The following SLC7A14 variants were observed in gnomAD, a reference collection of about 807,000 sequenced individuals.
SLC7A14 encodes gamma-aminobutyric acid transporter SLC7A14.
Under a neutral mutation model 60.2 loss-of-function variants are expected in SLC7A14, and 37 were observed. The ratio of observed to expected loss-of-function variants is 0.61; its 90% CI spans 0.47 to 0.81. SLC7A14 has a LOEUF of 0.81. SLC7A14 is among the 30% of genes least tolerant of loss of function. The probability of loss-of-function intolerance (pLI) is 0.00; values close to 1 mark genes in which losing one functional copy is unlikely to be tolerated. For synonymous variants in SLC7A14, 399 were observed against 395.8 expected (o/e 1.01, Z -0.10); for missense variants, 886 against 982.7 (o/e 0.90, Z 1.32).
intron 1 of SLC7A14, 109 bp from the exon 2 acceptor site, chr3:170,527,197 C>T: frequency 3.9e-6 from 2 of 514,134 alleles, no homozygotes; most frequent in East Asian, 3.4e-5. Flanking sequence ...CTGGTCTACC[C>T]GTGTGCTCAT....
At chr3:170,544,240 G>T (rs1255637369) in intron 1 of SLC7A14, among the ~76,000 whole-genome samples, 1 of 151,930 alleles carries the variant, frequency 6.6e-6, no homozygotes, top group African/African-American at 2.4e-5. Context: ...ATAAAAAGGG[G>T]TGAACTCCTC....
chr3:170,475,406 C>T (rs1256841881), intron 7 of SLC7A14, among the ~76,000 whole-genome samples: 13 of 152,112 alleles, frequency 8.5e-5, no homozygotes, highest in Non-Finnish European at 1.5e-5. Context: ...GAAAGTTACA[C>T]TATGTATAGA....
intron 1 of SLC7A14, among the ~76,000 whole-genome samples, chr3:170,542,587 C>G (rs1359686392): frequency 6.6e-6 from 1 of 152,242 alleles, no homozygotes; most frequent in African/African-American, 2.4e-5. Flanking sequence ...CTTCATCTCT[C>G]TCACTTGGCC....
intron 1 of SLC7A14, among the ~76,000 whole-genome samples, chr3:170,548,577 T>C (rs1714244486): frequency 6.6e-6 from 1 of 152,224 alleles, no homozygotes; most frequent in Non-Finnish European, 1.5e-5. Flanking sequence ...TTCCCATGCC[T>C]GGCTGCACTT....
intron 4 of SLC7A14, chr3:170,496,680 C>CTGCAT: frequency 9.4e-7 from 1 of 1,067,488 alleles, no homozygotes; most frequent in Non-Finnish European, 1.4e-6. Context: ...GGAAGACCAC[C>CTGCAT]AGCGGCTATG....
intron 7 of SLC7A14, among the ~76,000 whole-genome samples, chr3:170,471,457 T>C (rs1739906716): frequency 6.6e-6 from 1 of 152,172 alleles, no homozygotes; most frequent in African/African-American, 2.4e-5. Flanking sequence ...AATTTGTAAA[T>C]ATTTGAGTAT....
At chr3:170,560,675 G>T (rs1714623107) in intron 1 of SLC7A14, among the ~76,000 whole-genome samples, 1 of 152,096 alleles carries the variant, frequency 6.6e-6, no homozygotes, top group Admixed American at 6.6e-5. Context: ...CCAAGGTTTT[G>T]GTTCATGGAA....
intron 4 of SLC7A14, among the ~76,000 whole-genome samples, chr3:170,492,488 G>C (rs914487186): frequency 1.3e-5 from 2 of 152,130 alleles, no homozygotes; most frequent in African/African-American, 2.4e-5. Flanking sequence ...CTGGGCGACA[G>C]AGTGAGACTC....
rs1253861036 is a variant in SLC7A14 at position 170,459,919 on chromosome 3, T to C, written c.*7136A>G. On this transcript the variant is annotated 3_prime_UTR_variant, in exon 8 of 8. Coordinates refer to ENST00000231706, the MANE Select transcript of SLC7A14 (RefSeq NM_020949.3). Reference sequence around the variant, plus strand: ...AATTTAAAGGCACACAATAAAGCTTTATGCATTTATTAAAATATACACATT... The same window carrying C: ...AATTTAAAGGCACACAATAAAGCTTCATGCATTTATTAAAATATACACATT... The C allele has an allele frequency of 6.6e-6, 1 of 152,242 alleles. No homozygotes were observed. The highest frequency in any genetic ancestry group is 1.5e-5 in the Non-Finnish European group (1 of 68,042). 9.4% of individuals were successfully genotyped at this position (152,242 alleles called of 1,614,324 possible). A position where few individuals can be genotyped will look rare whatever the true frequency, so the allele number is the denominator to read the frequency against.
At chr3:170,469,407 T>G (rs77033584) in intron 7 of SLC7A14, among the ~76,000 whole-genome samples, 3,447 of 152,206 alleles carry the variant, frequency 0.023, 137 homozygotes, top group African/African-American at 0.078. Flanking sequence ...TGGTAATAAA[T>G]CCTAGAGTTA....
At chr3:170,538,782 G>A (rs1283975120) in intron 1 of SLC7A14, among the ~76,000 whole-genome samples, 1 of 152,218 alleles carries the variant, frequency 6.6e-6, no homozygotes, top group Non-Finnish European at 1.5e-5. Flanking sequence ...AGAAGTGAGT[G>A]ACCATCCAAT....
intron 2 of SLC7A14, among the ~76,000 whole-genome samples, chr3:170,516,140 A>G (rs910881421): frequency 3.9e-5 from 6 of 152,352 alleles, no homozygotes; most frequent in Non-Finnish European, 7.3e-5. Context: ...GCAAATTTCT[A>G]TTAAAATGTG....
Position 170,549,527 on chromosome 3 carries a change from G to A in SLC7A14, c.-152-22439C>T, listed in dbSNP as rs1360619964. Among the ~76,000 whole-genome samples the A allele has an allele frequency of 2.0e-5, 3 of 152,080 alleles. No homozygotes were observed. The East Asian group carries it at 5.8e-4, about 29-fold the overall frequency. Reference sequence around the variant, plus strand: ...CCACGCCCAGCCTTTTGAATGGTGGGCCAATCCCCTCTCTGCAATCCAGGC... The same window carrying A: ...CCACGCCCAGCCTTTTGAATGGTGGACCAATCCCCTCTCTGCAATCCAGGC... On this transcript the variant is annotated intron_variant, in intron 1 of 7. Coordinates refer to ENST00000231706, the MANE Select transcript of SLC7A14 (RefSeq NM_020949.3).
At chr3:170,495,715 AG>A in intron 4 of SLC7A14, 1 of 1,107,718 alleles carries the variant, frequency 9.0e-7, no homozygotes, top group Admixed American at 1.7e-5. Flanking sequence ...ACCCAGGAGA[AG>A]GAGCAGATCA....
In SLC7A14 at chr3:170,479,907, A is replaced by G. The variant is rs545169862; in HGVS notation, c.1993+382T>C. Among the ~76,000 whole-genome samples, 160 of 152,312 alleles carry G rather than the reference A, an allele frequency of 1.1e-3. 2 individuals are homozygous for G. The South Asian group carries it at 0.03, about 29-fold the overall frequency. On this transcript the variant is annotated intron_variant, in intron 7 of 7. Coordinates refer to ENST00000231706, the MANE Select transcript of SLC7A14 (RefSeq NM_020949.3). ...AATCTAAGATAGTTTTTCATTTTAC[A>G]ATTCTTAGTTTCTATGATAAAATTC... is the stretch of plus-strand genomic sequence containing the variant.
At chr3:170,469,121 C>T (rs1017241151) in intron 7 of SLC7A14, among the ~76,000 whole-genome samples, 13 of 152,290 alleles carry the variant, frequency 8.5e-5, no homozygotes, top group East Asian at 7.7e-4. Flanking sequence ...ACCTCCTTCC[C>T]GGGCCCTAAC....
Position 170,481,128 on chromosome 3 carries a change from A to G in SLC7A14, c.1154T>C (p.Val385Ala), listed in dbSNP as rs1190964580. 1.9e-6 allele frequency: 3 copies of G among 1,613,832 alleles called. No individual in the cohort carries two copies. The highest frequency in any genetic ancestry group is 2.5e-6 in the Non-Finnish European group (3 of 1,179,966). Residue 385 changes from valine (V) to alanine (A), a missense_variant, in exon 7 of 8, where the codon GTG becomes GCG. Physicochemically the swap from Val to Ala is moderately conservative, Grantham distance 64. Transcript: ENST00000231706. ...GAACCCCGACACGATGCAGGCCACC[A>G]CTGGTGTCTCTGTGTAGGAGCTGAC... ...AHVSSYTETPVVACIVSGFLA... is the reference protein window; with the variant it reads ...AHVSSYTETPAVACIVSGFLA...
chr3:170,577,688 A>G (rs1480650858), intron 1 of SLC7A14, among the ~76,000 whole-genome samples: 1 of 151,904 alleles, frequency 6.6e-6, no homozygotes, highest in African/African-American at 2.4e-5. Flanking sequence ...GTATTCCGTA[A>G]TTGGCCTTGG....
intron 4 of SLC7A14, among the ~76,000 whole-genome samples, chr3:170,487,967 T>TA (rs1712088111): frequency 6.6e-6 from 1 of 152,230 alleles, no homozygotes; most frequent in Non-Finnish European, 1.5e-5. Context: ...AAATATCACT[T>TA]ATGCTTATTA....
Sources: allele counts gnomAD v4.1 joint callset (sites outside exome capture counted in the v4.1 genomes callset), GRCh38; gene constraint gnomAD v4.1.1; transcripts MANE v1.5; gene names NCBI Gene and HGNC (gene_info 2026-07-23, HGNC 2026-07-21).